NVL: variants seen among roughly 807,000 people sequenced by gnomAD.
NVL encodes the protein nuclear VCP like.
NVL carries 84 observed loss-of-function variants against 110.2 expected under a neutral mutation model. The ratio of observed to expected loss-of-function variants is 0.76; its 90% confidence interval spans 0.64 to 0.91. NVL has a LOEUF of 0.91. Ranked by LOEUF, NVL falls within the 40% of genes least tolerant of loss-of-function variation. The probability of loss-of-function intolerance (pLI) is 0.00; values close to 1 mark genes in which losing one functional copy is unlikely to be tolerated. For synonymous variants in NVL, 354 were observed against 361.1 expected (o/e 0.98, Z 0.22); for missense variants, 882 against 1,035.9 (o/e 0.85, Z 2.04).
chr1:224,320,513 G>C (rs1225215464), intron 2 of NVL, among the ~76,000 whole-genome samples: 1 of 152,146 alleles, frequency 6.6e-6, no homozygotes, highest in Non-Finnish European at 1.5e-5. Flanking sequence ...CAGGCATGGT[G>C]GTGGGTGCCT....
chr1:224,281,225 C>T, intron 15 of NVL, 40 bp from the exon 16 acceptor site: 1 of 1,473,660 alleles, frequency 6.8e-7, no homozygotes, highest in Non-Finnish European at 9.5e-7. Flanking sequence ...AAGACCAATA[C>T]ACAGTAATAA....
intron 19 of NVL, 109 bp from the exon 20 acceptor site, chr1:224,236,691 A>C (rs1324525096): frequency 3.8e-6 from 3 of 799,820 alleles, no homozygotes; most frequent in Non-Finnish European, 4.3e-6. Context: ...TGGGCAGATC[A>C]CCTGAGGTCA....
chr1:224,310,118 T>C (rs1435722712), intron 5 of NVL, among the ~76,000 whole-genome samples: 2 of 138,824 alleles, frequency 1.4e-5, no homozygotes, highest in African/African-American at 5.5e-5. Flanking sequence ...ACCACTGCAC[T>C]CCAGCCTCGG....
intron 18 of NVL, among the ~76,000 whole-genome samples, chr1:224,263,768 A>G (rs547931914): frequency 1.3e-5 from 2 of 152,348 alleles, no homozygotes; most frequent in East Asian, 3.9e-4. Flanking sequence ...TGGAATACAG[A>G]AAGTTTATAG....
At chr1:224,252,618 G>A (rs1662631095) in intron 18 of NVL, among the ~76,000 whole-genome samples, 1 of 152,052 alleles carries the variant, frequency 6.6e-6, no homozygotes, top group Non-Finnish European at 1.5e-5. Flanking sequence ...ATTATTCAAT[G>A]GTTTCATCAC....
chr1:224,280,321 C>T (rs1362427951), intron 16 of NVL, among the ~76,000 whole-genome samples: 2 of 151,916 alleles, frequency 1.3e-5, no homozygotes, highest in East Asian at 3.9e-4. Context: ...GACTTAAAGC[C>T]TCTATTAGCT....
chr1:224,296,567 TG>T lies in NVL; in HGVS notation c.1113del (p.Arg373GlufsTer13). The T allele has an allele frequency of 1.2e-6, 2 of 1,609,116 alleles. No individual in the cohort carries two copies. The highest frequency in any genetic ancestry group is 1.3e-5 in the African/African-American group (1 of 74,936). ...IFIDEIDAIT[P>X]KREVASKDME... The stretch of plus-strand genomic sequence containing the variant: ...ATATCTTTTGAAGCCACTTCTCTTT[TG>T]GGGGTAATAGCATCAATTTCATCAA... On this transcript the variant is annotated frameshift_variant, in exon 11 of 23. Transcript: ENST00000281701. LOFTEE classifies it high-confidence loss of function.
At chr1:224,267,989 G>GT (rs1664664492) in intron 18 of NVL, 45 bp downstream of exon 18, 1 of 1,322,626 alleles carries the variant, frequency 7.6e-7, no homozygotes, top group Non-Finnish European at 1.1e-6. Flanking sequence ...CGGAAATGCT[G>GT]TAAGTTTTTA....
In NVL at chr1:224,317,788, TA is replaced by T; in HGVS notation, c.189del (p.Phe63LeufsTer3). 2 of 1,590,980 alleles carry T rather than the reference TA, an allele frequency of 1.3e-6. No homozygotes were observed. The highest frequency in any genetic ancestry group is 1.7e-6 in the Non-Finnish European group (2 of 1,160,900). On this transcript the variant is annotated frameshift_variant, in exon 4 of 23. Transcript: ENST00000281701. LOFTEE classifies it high-confidence loss of function. ...NAFRIQVEKV[F>X]SIISSEKELK... ...AGTTCCTTCTCACTACTAATTATGC[TA>T]AATACTGAAACAAAAAGAAAAACGC...
chr1:224,231,252 T>G lies in NVL; in HGVS notation c.2500A>C (p.Lys834Gln). Residue 834 changes from lysine to glutamine, a missense_variant, in exon 22 of 23, where the codon AAA becomes CAA. By Grantham distance (53) the Lys-to-Gln change is moderately conservative. Coordinates refer to ENST00000281701, the MANE Select transcript of NVL (RefSeq NM_002533.4). The part of the protein sequence containing the change: ...SHKHFEEAFK[K>Q]VRSSISKKDQ... ...TTTTTTGATATAGATGATCTTACTTTCTTGAAAGCTTCTTCAAAATGCTTA... is the reference window on the plus strand; with the variant it reads ...TTTTTTGATATAGATGATCTTACTTGCTTGAAAGCTTCTTCAAAATGCTTA... 1 of 1,612,916 alleles carries G rather than the reference T, an allele frequency of 6.2e-7. No individual in the cohort carries two copies. Among genetic ancestry groups the G allele is most frequent in the Non-Finnish European group, 8.5e-7 (1 of 1,179,650 alleles).
rs964502421 is a variant in NVL, at chr1:224,329,995, A to G, written c.57+76T>C. The G allele has an allele frequency of 2.1e-6, 3 of 1,432,464 alleles. No individual in the cohort carries two copies. The African/African-American group carries it at 4.2e-5, about 20-fold the overall frequency. 88.7% of individuals were successfully genotyped at this position (1,432,464 alleles called of 1,614,324 possible). On this transcript the variant is annotated intron_variant, in intron 1 of 22. Transcript: ENST00000281701. Reference sequence around the variant, plus strand: ...ACTAGTTGAGTTCCACCTGGATGCCACCCGACAAAAGGGGAGTGGCACCCT... The same window carrying G: ...ACTAGTTGAGTTCCACCTGGATGCCGCCCGACAAAAGGGGAGTGGCACCCT...
intron 15 of NVL, 140 bp downstream of exon 15, chr1:224,285,882 GAAGA>G (rs1167214524): frequency 1.7e-6 from 1 of 581,778 alleles, no homozygotes; most frequent in East Asian, 2.8e-5. Flanking sequence ...AAACTTTAAT[GAAGA>G]AAGTTGTCAG....
At position 224,329,979 on chromosome 1, in the gene NVL, G is replaced by A. The variant is rs1572096312; in HGVS notation, c.57+92C>T. 7.1e-6 allele frequency: 9 copies of A among 1,270,876 alleles called. No homozygotes were observed. The East Asian group carries it at 1.9e-4, about 26-fold the overall frequency. The allele number at this position is 1,270,876 out of a possible 1,614,324, so 78.7% of individuals were successfully genotyped here. On this transcript the variant is annotated intron_variant, in intron 1 of 22. Transcript: ENST00000281701. Reference sequence around the variant, plus strand: ...AGACTGGGGAAAGAAGACTAGTTGAGTTCCACCTGGATGCCACCCGACAAA... The same window carrying A: ...AGACTGGGGAAAGAAGACTAGTTGAATTCCACCTGGATGCCACCCGACAAA...
chr1:224,240,457 C>T (rs908571536), intron 19 of NVL, among the ~76,000 whole-genome samples: 13 of 152,096 alleles, frequency 8.5e-5, no homozygotes, highest in Non-Finnish European at 1.6e-4. Flanking sequence ...GTGATCTGCC[C>T]GCCTCCGCCT....
intron 10 of NVL, chr1:224,297,666 G>T: frequency 5.4e-6 from 1 of 185,894 alleles, no homozygotes; most frequent in South Asian, 1.1e-4. Flanking sequence ...CAAAGAGAAA[G>T]AGGAGAGGCA....
intron 18 of NVL, chr1:224,256,869 C>A: frequency 2.6e-6 from 1 of 389,244 alleles, no homozygotes; most frequent in South Asian, 2.0e-5. Flanking sequence ...TTTCCCACAT[C>A]CTTAACTACT....
intron 17 of NVL, among the ~76,000 whole-genome samples, chr1:224,270,089 GAA>G (rs113966505): frequency 1.4e-5 from 2 of 142,490 alleles, no homozygotes; most frequent in African/African-American, 5.1e-5. Context: ...GATTTCTCTA[GAA>G]AAAAAAAAAT....
intron 18 of NVL, among the ~76,000 whole-genome samples, chr1:224,260,260 CATCTGAT>C (rs1457852718): frequency 2.0e-5 from 3 of 152,276 alleles, no homozygotes; most frequent in African/African-American, 7.2e-5. Context: ...TCCACTCTTT[CATCTGAT>C]AATTACTATT....
chr1:224,324,558 A>G (rs1670956291), intron 2 of NVL, among the ~76,000 whole-genome samples: 1 of 152,204 alleles, frequency 6.6e-6, no homozygotes, highest in Non-Finnish European at 1.5e-5. Flanking sequence ...CCTCTTGAGT[A>G]GCAAGGACTA....
Sources: allele counts gnomAD v4.1 joint callset (sites outside exome capture counted in the v4.1 genomes callset), GRCh38; gene constraint gnomAD v4.1.1; transcripts MANE v1.5; gene names NCBI Gene and HGNC (gene_info 2026-07-23, HGNC 2026-07-21).